The following ZDHHC20 variants were observed in gnomAD, a reference collection of about 807,000 sequenced individuals.
ZDHHC20 encodes the protein zDHHC palmitoyltransferase 20.
In ZDHHC20, 43 loss-of-function variants were observed where a neutral mutation model predicts 57.8. The observed-to-expected ratio is 0.74, with a 90% CI of 0.58 to 0.96. The LOEUF is 0.96. Ranked by LOEUF, ZDHHC20 falls within the 40% of genes least tolerant of loss-of-function variation. The pLI, the probability that ZDHHC20 is intolerant of heterozygous loss-of-function variation, is 0.00. For synonymous variants in ZDHHC20, 157 were observed against 153.0 expected (o/e 1.03, Z -0.19); for missense variants, 391 against 441.1 (o/e 0.89, Z 1.02).
At chr13:21,443,751 C>T (rs7329073) in intron 1 of ZDHHC20, among the ~76,000 whole-genome samples, 90,241 of 152,054 alleles carry the variant, frequency 0.59, 27,608 homozygotes, top group Non-Finnish European at 0.68. Context: ...TAATTATTAC[C>T]ATTTCCTGGG....
chr13:21,433,682 C>T (rs1395667095), intron 1 of ZDHHC20, among the ~76,000 whole-genome samples: 1 of 152,116 alleles, frequency 6.6e-6, no homozygotes, highest in East Asian at 1.9e-4. Flanking sequence ...TTTGTTTGTT[C>T]TGGGAGATCC....
chr13:21,379,848 G>T (rs1351866845), intron 11 of ZDHHC20, among the ~76,000 whole-genome samples: 1 of 141,980 alleles, frequency 7.0e-6, no homozygotes, highest in African/African-American at 2.7e-5. Flanking sequence ...ATGGAATCTC[G>T]CTGTCGCCCA....
intron 1 of ZDHHC20, among the ~76,000 whole-genome samples, chr13:21,426,897 C>T (rs1468881597): frequency 2.6e-5 from 4 of 152,120 alleles, no homozygotes; most frequent in Admixed American, 6.5e-5. Context: ...CATGAGCCAC[C>T]GCGCCAGGCC....
intron 8 of ZDHHC20, among the ~76,000 whole-genome samples, chr13:21,389,343 A>G (rs1331810626): frequency 6.6e-6 from 1 of 152,188 alleles, no homozygotes; most frequent in Non-Finnish European, 1.5e-5. Context: ...ATGTTTTTTC[A>G]AAGTGTGGGT....
chr13:21,400,957 TA>T (rs1054860896), intron 6 of ZDHHC20, among the ~76,000 whole-genome samples: 1 of 151,946 alleles, frequency 6.6e-6, no homozygotes, highest in African/African-American at 2.4e-5. Flanking sequence ...CGATGTTTTT[TA>T]AAACAATTAA....
At chr13:21,402,265 C>T (rs1456192746) in intron 5 of ZDHHC20, among the ~76,000 whole-genome samples, 1 of 151,984 alleles carries the variant, frequency 6.6e-6, no homozygotes, top group Non-Finnish European at 1.5e-5. Flanking sequence ...TATTTTTCCA[C>T]ATATTCTATA....
chr13:21,439,122 A>C (rs1424065178), intron 1 of ZDHHC20, among the ~76,000 whole-genome samples: 1 of 152,316 alleles, frequency 6.6e-6, no homozygotes, highest in East Asian at 1.9e-4. Context: ...TCAAACCTGC[A>C]ATTTTCCCAC....
In ZDHHC20 at chr13:21,425,352, A is replaced by T. The variant is rs114641490; in HGVS notation, c.145+300T>A. ...TCATATTAAAAAAATCTAAATAAAA[A>T]GTTTTGAAGAACATATGAGACAAAT... is the stretch of plus-strand genomic sequence containing the variant. On this transcript the variant is annotated intron_variant, in intron 2 of 12. Transcript: ENST00000400590. Among the ~76,000 whole-genome samples the T allele has an allele frequency of 8.9e-4, 136 of 152,316 alleles. 1 individual carries two copies. Among genetic ancestry groups the T allele is most frequent in the African/African-American group, 3.1e-3 (130 of 41,586 alleles).
At chr13:21,430,300 A>C (rs1227404756) in intron 1 of ZDHHC20, among the ~76,000 whole-genome samples, 1 of 152,068 alleles carries the variant, frequency 6.6e-6, no homozygotes, top group Non-Finnish European at 1.5e-5. Flanking sequence ...GCTTCTGCAC[A>C]CATATCTTGG....
intron 3 of ZDHHC20, 29 bp from the exon 4 acceptor site, chr13:21,413,801 T>C (rs1478745014): frequency 5.7e-6 from 9 of 1,575,878 alleles, no homozygotes; most frequent in African/African-American, 2.7e-5. Flanking sequence ...CTATTAAATT[T>C]TTTTAATCCC....
rs567205871 is a variant in ZDHHC20, at chr13:21,414,368, T to C, written c.250-596A>G. 5.9e-3 allele frequency among the ~76,000 whole-genome samples: 900 copies of C among 151,290 alleles called. 7 individuals are homozygous for C. Among genetic ancestry groups the C allele is most frequent in the African/African-American group, 0.02 (843 of 41,332 alleles). Reference sequence around the variant, plus strand: ...GAGTCCTTTATAGACCTTTTTTTTTTCTTTTTTTTTGAGACGGAGTCTTGC... The same window carrying C: ...GAGTCCTTTATAGACCTTTTTTTTTCCTTTTTTTTTGAGACGGAGTCTTGC... On this transcript the variant is annotated intron_variant, in intron 3 of 12. Coordinates refer to ENST00000400590, the MANE Select transcript of ZDHHC20 (RefSeq NM_001330059.2).
intron 8 of ZDHHC20, among the ~76,000 whole-genome samples, chr13:21,388,093 G>A (rs1463844157): frequency 1.3e-5 from 2 of 152,084 alleles, no homozygotes; most frequent in African/African-American, 4.8e-5. Flanking sequence ...ACATGGCCAT[G>A]ACGTACTGGG....
Position 21,374,427 on chromosome 13 carries a change from G to GAACCCC in ZDHHC20, c.*2268_*2269insGGGGTT. ...TTTTTGTATTTTTAGTGGAGACAGG[G>GAACCCC]TTTTGCCATTTTGACCAGGCTAATC... On this transcript the variant is annotated 3_prime_UTR_variant, in exon 13 of 13. Coordinates refer to ENST00000400590, the MANE Select transcript of ZDHHC20 (RefSeq NM_001330059.2). 1 of 455,786 alleles carries GAACCCC rather than the reference G, an allele frequency of 2.2e-6. No homozygotes were observed. Among genetic ancestry groups the GAACCCC allele is most frequent in the South Asian group, 1.5e-5 (1 of 64,544 alleles). 28.2% of individuals were successfully genotyped at this position (455,786 alleles called of 1,614,324 possible). A position where few individuals can be genotyped will look rare whatever the true frequency, so the allele number is the denominator to read the frequency against.
At position 21,406,649 on chromosome 13, in the gene ZDHHC20, C is replaced by T. The variant is rs984959552; in HGVS notation, c.371-3783G>A. ...AACATGCAGTGTTTGGTTTTCTGCT[C>T]CTGTGTTAGTTTGCTGAAAATGATG... On this transcript the variant is annotated intron_variant, in intron 4 of 12. Transcript: ENST00000400590. Among the ~76,000 whole-genome samples, 6 of 152,018 alleles carry T rather than the reference C, an allele frequency of 3.9e-5. No individual in the cohort carries two copies. In the South Asian group the frequency reaches 1.2e-3, roughly 32 times the overall value.
chr13:21,400,124 G>GA (rs1877408439), intron 7 of ZDHHC20, among the ~76,000 whole-genome samples: 2 of 152,016 alleles, frequency 1.3e-5, no homozygotes, highest in African/African-American at 4.8e-5. Flanking sequence ...GTCTTTGTTA[G>GA]AATGTGGGTG....
At chr13:21,391,558 C>T (rs1250965124) in intron 8 of ZDHHC20, among the ~76,000 whole-genome samples, 164 bp downstream of exon 8, 1 of 150,340 alleles carries the variant, frequency 6.7e-6, no homozygotes, top group Admixed American at 6.6e-5. Context: ...GGGATTCTCC[C>T]GCCTCTGTCT....
chr13:21,413,857 G>A (rs2137866048), intron 3 of ZDHHC20, 85 bp from the exon 4 acceptor site: 9 of 1,182,680 alleles, frequency 7.6e-6, no homozygotes, highest in South Asian at 4.7e-5. Flanking sequence ...CTAGAAAAAA[G>A]AAAACCAAAA....
intron 1 of ZDHHC20, among the ~76,000 whole-genome samples, chr13:21,454,067 C>T (rs192648190): frequency 6.6e-6 from 1 of 152,084 alleles, no homozygotes; most frequent in Admixed American, 6.5e-5. Context: ...GGCTCACACC[C>T]GTAATCCCAG....
chr13:21,373,445 A>G lies in ZDHHC20; in HGVS notation c.*3251T>C, dbSNP rs2137580279. 6.6e-6 allele frequency: 1 copy of G among 152,366 alleles called. No individual in the cohort carries two copies. Among genetic ancestry groups the G allele is most frequent in the Non-Finnish European group, 1.5e-5 (1 of 68,036 alleles). 9.4% of individuals were successfully genotyped at this position (152,366 alleles called of 1,614,324 possible). The stretch of plus-strand genomic sequence containing the variant: ...AAATTCACTCATGACACATTGGATC[A>G]TAACCACTAATATGTAAAAAGTTTT... On this transcript the variant is annotated 3_prime_UTR_variant, in exon 13 of 13. Coordinates refer to ENST00000400590, the MANE Select transcript of ZDHHC20 (RefSeq NM_001330059.2).
Sources: gnomAD v4.1 joint callset for allele counts (sites outside exome capture counted in the v4.1 genomes callset) on GRCh38, gnomAD v4.1.1 for gene constraint, MANE v1.5 for transcripts, NCBI Gene and HGNC (gene_info 2026-07-23, HGNC 2026-07-21) for gene names.